The following FOCAD variants were observed in gnomAD, a reference collection of about 807,000 sequenced individuals.
FOCAD encodes the protein focadhesin.
In FOCAD, 198 loss-of-function variants were observed where a neutral mutation model predicts 225.6. That is an observed-to-expected ratio of 0.88 (90% CI 0.78 to 0.99). The LOEUF (loss-of-function observed/expected upper bound fraction) is 0.99, where lower values mean the gene tolerates loss of function less well. Among genes scored for constraint, FOCAD ranks in the 50% least tolerant of loss-of-function variants. The probability of loss-of-function intolerance (pLI) is 0.00; values close to 1 mark genes in which losing one functional copy is unlikely to be tolerated. For synonymous variants in FOCAD, 897 were observed against 755.0 expected (o/e 1.19, Z -3.08); for missense variants, 2,713 against 2,123.6 (o/e 1.28, Z -5.46).
intron 18 of FOCAD, chr9:20,874,373 T>C (rs1245223768): frequency 1.5e-5 from 3 of 201,714 alleles, no homozygotes; most frequent in African/African-American, 4.7e-5. Flanking sequence ...TATTTTTGGA[T>C]GGTATAGAAT....
chr9:20,781,549 T>C (rs1210254456), intron 9 of FOCAD, among the ~76,000 whole-genome samples, 178 bp from the exon 10 acceptor site: 1 of 152,244 alleles, frequency 6.6e-6, no homozygotes, highest in Non-Finnish European at 1.5e-5. Context: ...TTTTATATAA[T>C]AGTTTATTTA....
intron 5 of FOCAD, among the ~76,000 whole-genome samples, chr9:20,754,361 T>G (rs1828847615): frequency 1.3e-5 from 2 of 152,216 alleles, no homozygotes. Context: ...ATGCCTTTTA[T>G]TCTATGTTTT....
chr9:20,683,350 A>T (rs1822463918), upstream of FOCAD: 2 of 152,176 alleles, frequency 1.3e-5, no homozygotes, highest in East Asian at 3.9e-4. Context: ...GGGTTTAGAA[A>T]CAACTAAGTC....
intron 1 of FOCAD, among the ~76,000 whole-genome samples, chr9:20,702,243 A>T (rs951986250): frequency 6.6e-6 from 1 of 151,986 alleles, no homozygotes; most frequent in African/African-American, 2.4e-5. Context: ...GCTAGGACTA[A>T]AGGCATGTAC....
intron 1 of FOCAD, among the ~76,000 whole-genome samples, chr9:20,687,725 G>T (rs905025881): frequency 4.6e-5 from 7 of 152,158 alleles, no homozygotes; most frequent in African/African-American, 1.7e-4. Context: ...CCTTCATTCA[G>T]CAAAGACAGC....
intron 7 of FOCAD, among the ~76,000 whole-genome samples, chr9:20,768,641 A>G (rs1413131428): frequency 6.6e-6 from 1 of 152,202 alleles, no homozygotes. Context: ...TATACTGAGC[A>G]CTAAGACAGA....
chr9:20,802,631 A>G lies in FOCAD; in HGVS notation c.1455+13023A>G, dbSNP rs551740344. On this transcript the variant is annotated intron_variant, in intron 11 of 43. Transcript: ENST00000338382. ...CCTAGAACAAATAGACTATTTTCCA[A>G]TATTGTCATATGTTATTCAGACTAA... is the stretch of plus-strand genomic sequence containing the variant. Among the ~76,000 whole-genome samples, 41 of 152,278 alleles carry G rather than the reference A, an allele frequency of 2.7e-4. 1 individual carries two copies. Among genetic ancestry groups the G allele is most frequent in the Non-Finnish European group, 2.8e-4 (19 of 68,028 alleles).
intron 4 of FOCAD, among the ~76,000 whole-genome samples, chr9:20,737,719 G>C (rs932119561): frequency 1.3e-5 from 2 of 152,202 alleles, no homozygotes; most frequent in Non-Finnish European, 2.9e-5. Context: ...GTGATGATGA[G>C]ATTGTATATT....
intron 16 of FOCAD, chr9:20,863,188 CTCT>C (rs1264696377): frequency 2.6e-5 from 4 of 151,462 alleles, no homozygotes; most frequent in Non-Finnish European, 5.9e-5. Context: ...TCTTAATTAT[CTCT>C]TCTTTGAGTG....
At chr9:20,682,109 C>G (rs1288014571), upstream of FOCAD, among the ~76,000 whole-genome samples, 1 of 152,220 alleles carries the variant, frequency 6.6e-6, no homozygotes, top group East Asian at 1.9e-4. Flanking sequence ...TGATGATACA[C>G]AGAAGGCACC....
chr9:20,935,991 ACT>A (rs1350808936), intron 28 of FOCAD, among the ~76,000 whole-genome samples: 1 of 152,194 alleles, frequency 6.6e-6, no homozygotes, highest in African/African-American at 2.4e-5. Context: ...AATTAAACAC[ACT>A]CATTTTATGA....
At chr9:20,789,693 G>A in intron 11 of FOCAD, 85 bp downstream of exon 11, 2 of 1,498,760 alleles carry the variant, frequency 1.3e-6, no homozygotes, top group East Asian at 2.3e-5. Flanking sequence ...TGGATTATTT[G>A]CATCAGAGTT....
intron 2 of FOCAD, among the ~76,000 whole-genome samples, chr9:20,663,324 T>C (rs904033958): frequency 5.3e-5 from 8 of 152,024 alleles, no homozygotes; most frequent in African/African-American, 1.9e-4. Flanking sequence ...TGCACTGCAC[T>C]CCAGCCTGAG....
chr9:20,920,062 A>T (rs1229957231), intron 24 of FOCAD, among the ~76,000 whole-genome samples: 1 of 152,206 alleles, frequency 6.6e-6, no homozygotes, highest in Non-Finnish European at 1.5e-5. Context: ...CAACCTACTC[A>T]TCTGACAAAG....
At chr9:20,862,750 A>G in intron 16 of FOCAD, 38 bp downstream of exon 16, 3 of 1,586,466 alleles carry the variant, frequency 1.9e-6, no homozygotes, top group South Asian at 1.2e-5. Context: ...CTGCTTCTTC[A>G]TGGGAAAGAT....
At chr9:20,794,877 T>C (rs1193945308) in intron 11 of FOCAD, among the ~76,000 whole-genome samples, 1 of 152,212 alleles carries the variant, frequency 6.6e-6, no homozygotes, top group Non-Finnish European at 1.5e-5. Context: ...CCTTTTTAGA[T>C]TTGTGAGAAT....
chr9:20,842,693 G>T (rs1005672954), intron 15 of FOCAD, among the ~76,000 whole-genome samples: 1 of 152,022 alleles, frequency 6.6e-6, no homozygotes, highest in East Asian at 1.9e-4. Flanking sequence ...TCTTTTGATT[G>T]CAGAGTTTAG....
intron 21 of FOCAD, among the ~76,000 whole-genome samples, chr9:20,897,921 A>T (rs911343029): frequency 2.6e-5 from 4 of 151,858 alleles, no homozygotes; most frequent in African/African-American, 9.7e-5. Flanking sequence ...CTGCAAGGGA[A>T]ATGTACGGGT....
chr9:20,954,170 G>A (rs1163865921), intron 35 of FOCAD, among the ~76,000 whole-genome samples: 3 of 152,018 alleles, frequency 2.0e-5, no homozygotes, highest in Admixed American at 2.0e-4. Flanking sequence ...TGTCATTGTT[G>A]TACATGACAT....
Sources: gnomAD v4.1 joint callset for allele counts (sites outside exome capture counted in the v4.1 genomes callset) on GRCh38, gnomAD v4.1.1 for gene constraint, MANE v1.5 for transcripts, NCBI Gene and HGNC (gene_info 2026-07-23, HGNC 2026-07-21) for gene names.